The following SNX2 variants were observed in gnomAD, a reference collection of about 807,000 sequenced individuals.
The protein encoded by SNX2 is sorting nexin 2, also known as sorting nexin-2.
A neutral mutation model predicts 69.9 loss-of-function variants in SNX2; 25 were observed. The observed-to-expected ratio is 0.36, with a 90% CI of 0.26 to 0.50. The LOEUF (loss-of-function observed/expected upper bound fraction) is 0.50, where lower values mean the gene tolerates loss of function less well. SNX2 is among the 20% of genes least tolerant of loss of function. The pLI, the probability that SNX2 is intolerant of heterozygous loss-of-function variation, is 0.97. For missense variants in SNX2, 551 were observed against 613.3 expected (o/e 0.90, Z 1.07); for synonymous variants, 229 against 200.4 (o/e 1.14, Z -1.20).
chr5:122,814,753 T>TTTTTTTGTTTTTTTTG (rs11269917), intron 7 of SNX2, among the ~76,000 whole-genome samples: 2,261 of 151,120 alleles, frequency 0.015, 24 homozygotes, highest in Non-Finnish European at 0.019. Context: ...GATAGCAGGT[T>TTTTTTTGTTTTTTTTG]TTTTTTTGTT....
chr5:122,784,159 T>C (rs541661229), intron 1 of SNX2, among the ~76,000 whole-genome samples: 1 of 151,936 alleles, frequency 6.6e-6, no homozygotes, highest in African/African-American at 2.4e-5. Flanking sequence ...TCTGTGTAGA[T>C]AATCATATTG....
intron 6 of SNX2, among the ~76,000 whole-genome samples, chr5:122,806,142 G>GCGCACGCGCA: frequency 2.1e-4 from 27 of 130,654 alleles, no homozygotes; most frequent in Admixed American, 2.0e-3. Flanking sequence ...ACACGCGCGC[G>GCGCACGCGCA]CACACACACA....
chr5:122,775,108 C>T lies in SNX2; in HGVS notation c.5C>T (p.Ala2Val). The change falls in exon 1 of 15, where the codon GCG (alanine) becomes GTG (valine). Residue 2 changes from alanine to valine, a missense_variant. Physicochemically the swap from Ala to Val is moderately conservative, Grantham distance 64. This residue lies in a region of SNX2 where 191 missense variants were observed against 162.9 expected (regional missense o/e 1.17). Coordinates refer to ENST00000379516, the MANE Select transcript of SNX2 (RefSeq NM_003100.4). ...CAGTCGTTCGGGTGAGCGAAGATGGCGGCCGAGAGGGAACCTCCTCCGCTG... is the reference window on the plus strand; with the variant it reads ...CAGTCGTTCGGGTGAGCGAAGATGGTGGCCGAGAGGGAACCTCCTCCGCTG... M[A>V]AEREPPPLGD... The T allele has an allele frequency of 1.3e-6, 2 of 1,585,686 alleles. No individual in the cohort carries two copies. The highest frequency in any genetic ancestry group is 8.6e-7 in the Non-Finnish European group (1 of 1,167,594).
intron 14 of SNX2, among the ~76,000 whole-genome samples, chr5:122,829,249 G>A (rs1754227100): frequency 6.6e-6 from 1 of 152,120 alleles, no homozygotes; most frequent in South Asian, 2.1e-4. Context: ...CTGTTGTCCA[G>A]GTTGGAGTGC....
intron 6 of SNX2, among the ~76,000 whole-genome samples, chr5:122,805,757 T>C (rs1475389578): frequency 6.6e-6 from 1 of 152,058 alleles, no homozygotes; most frequent in Non-Finnish European, 1.5e-5. Context: ...TGAAATACAT[T>C]TAATGTGGAT....
chr5:122,806,660 C>G (rs1227036240), intron 6 of SNX2, among the ~76,000 whole-genome samples: 2 of 151,690 alleles, frequency 1.3e-5, no homozygotes, highest in African/African-American at 4.8e-5. Flanking sequence ...AACAATTAAC[C>G]TCTAAAAAGT....
chr5:122,821,774 G>A (rs1028665337), intron 11 of SNX2, among the ~76,000 whole-genome samples: 2 of 151,980 alleles, frequency 1.3e-5, no homozygotes, highest in African/African-American at 4.8e-5. Flanking sequence ...CTTTTTAATG[G>A]TTGTATAGCA....
At chr5:122,822,215 C>G (rs1255869520) in intron 11 of SNX2, among the ~76,000 whole-genome samples, 1 of 152,156 alleles carries the variant, frequency 6.6e-6, no homozygotes, top group African/African-American at 2.4e-5. Context: ...CTCAGCCTCC[C>G]GAGTAGCTGG....
At chr5:122,821,985 CAT>C (rs1370927752) in intron 11 of SNX2, among the ~76,000 whole-genome samples, 11 of 152,188 alleles carry the variant, frequency 7.2e-5, no homozygotes, top group African/African-American at 2.2e-4. Context: ...CCTAAACCTA[CAT>C]GTTTCTTTTT....
chr5:122,816,893 C>G, intron 8 of SNX2, 22 bp from the exon 9 acceptor site: 1 of 1,503,288 alleles, frequency 6.7e-7, no homozygotes, highest in Non-Finnish European at 9.2e-7. Context: ...TTTGTTTGCC[C>G]TTATTTGTCA....
chr5:122,788,709 A>G (rs1404551953), intron 1 of SNX2, among the ~76,000 whole-genome samples: 2 of 152,060 alleles, frequency 1.3e-5, no homozygotes, highest in African/African-American at 4.8e-5. Context: ...GTTTTGTTTC[A>G]GGTAATTTTT....
chr5:122,784,778 T>C (rs1753045710), intron 1 of SNX2, among the ~76,000 whole-genome samples: 1 of 152,204 alleles, frequency 6.6e-6, no homozygotes, highest in Non-Finnish European at 1.5e-5. Context: ...TCCTCTTATT[T>C]CATATTCTTG....
intron 7 of SNX2, among the ~76,000 whole-genome samples, chr5:122,813,083 C>CA (rs1753816619): frequency 6.6e-6 from 1 of 152,026 alleles, no homozygotes; most frequent in Non-Finnish European, 1.5e-5. Flanking sequence ...TTATTTCTGA[C>CA]TTTTTTCAGT....
At chr5:122,825,772 A>G (rs1298886456) in intron 11 of SNX2, among the ~76,000 whole-genome samples, 1 of 152,098 alleles carries the variant, frequency 6.6e-6, no homozygotes, top group African/African-American at 2.4e-5. Flanking sequence ...AATCTTATAA[A>G]CCATATTTAA....
At chr5:122,787,664 C>T (rs1165666959) in intron 1 of SNX2, among the ~76,000 whole-genome samples, 5 of 152,164 alleles carry the variant, frequency 3.3e-5, no homozygotes, top group African/African-American at 4.8e-5. Flanking sequence ...CCAGCAGCCT[C>T]TACTTGAGTT....
At chr5:122,792,667 A>G (rs1341382473) in intron 1 of SNX2, among the ~76,000 whole-genome samples, 3 of 152,220 alleles carry the variant, frequency 2.0e-5, no homozygotes, top group Non-Finnish European at 4.4e-5. Flanking sequence ...TAATTAAGAA[A>G]TTCCATTGCA....
rs748049227 is a variant in SNX2 at position 122,830,377 on chromosome 5, T to C, written c.*729T>C. 3.1e-4 allele frequency among the ~76,000 whole-genome samples: 47 copies of C among 152,206 alleles called. No individual in the cohort carries two copies. The highest frequency in any genetic ancestry group is 5.9e-4 in the Non-Finnish European group (40 of 68,022). On this transcript the variant is annotated 3_prime_UTR_variant, in exon 15 of 15. Transcript: ENST00000379516. ...TGTTTTTAACCATCTCTATTACAAG[T>C]GCCCAATTTAAGAATTAGGAAAAAA...
intron 6 of SNX2, among the ~76,000 whole-genome samples, chr5:122,804,642 G>T (rs1421132502): frequency 6.6e-6 from 1 of 152,018 alleles, no homozygotes; most frequent in Non-Finnish European, 1.5e-5. Flanking sequence ...GCTGGGATTA[G>T]ACGTGAGCCA....
rs1754288557 is a variant in SNX2 at position 122,831,509 on chromosome 5, G to A, written c.*1861G>A. The stretch of plus-strand genomic sequence containing the variant: ...TCTCTAAAAAAAATGAAGACTTGAT[G>A]AGTTGAACAGGGAAAACAAAAGTTT... On this transcript the variant is annotated 3_prime_UTR_variant, in exon 15 of 15. Transcript: ENST00000379516. Among the ~76,000 whole-genome samples the A allele has an allele frequency of 6.6e-6, 1 of 152,138 alleles. No homozygotes were observed. The highest frequency in any genetic ancestry group is 2.4e-5 in the African/African-American group (1 of 41,426).
Sources: gnomAD v4.1 joint callset for allele counts (sites outside exome capture counted in the v4.1 genomes callset) on GRCh38, gnomAD v4.1.1 for gene constraint, gnomAD v4.1.1 regional missense constraint, MANE v1.5 for transcripts, NCBI Gene and HGNC (gene_info 2026-07-23, HGNC 2026-07-21) for gene names.